TNS3: variants seen among roughly 807,000 people sequenced by gnomAD.
TNS3 encodes tensin 3.
Under a neutral mutation model 140.9 loss-of-function variants are expected in TNS3, and 45 were observed. The observed-to-expected ratio is 0.32, with a 90% confidence interval of 0.25 to 0.41. The LOEUF is 0.41. Ranked by LOEUF, TNS3 falls within the 10% of genes least tolerant of loss-of-function variation. The pLI, the probability that TNS3 is intolerant of heterozygous loss-of-function variation, is 1.00. For missense variants in TNS3, 1,716 were observed against 1,906.7 expected (o/e 0.90, Z 1.86); for synonymous variants, 815 against 788.4 (o/e 1.03, Z -0.56).
intron 1 of TNS3, among the ~76,000 whole-genome samples, chr7:47,568,014 C>T (rs998129442): frequency 6.6e-6 from 1 of 152,200 alleles, no homozygotes; most frequent in Non-Finnish European, 1.5e-5. Context: ...TTCTAAGCTG[C>T]CTCCACTTTG....
intron 5 of TNS3, among the ~76,000 whole-genome samples, chr7:47,441,180 A>T (rs1350716522): frequency 3.3e-5 from 5 of 152,040 alleles, no homozygotes; most frequent in African/African-American, 4.8e-5. Flanking sequence ...TTTTATTTTT[A>T]TTTATTTTTA....
chr7:47,296,957 T>C, intron 24 of TNS3, 125 bp downstream of exon 24: 1 of 1,244,274 alleles, frequency 8.0e-7, no homozygotes, highest in Non-Finnish European at 1.1e-6. Flanking sequence ...CCTGAAAAAA[T>C]AAATACTAAG....
chr7:47,429,084 C>T (rs954930702), intron 8 of TNS3, among the ~76,000 whole-genome samples: 13 of 152,220 alleles, frequency 8.5e-5, no homozygotes, highest in Admixed American at 6.5e-5. Flanking sequence ...CAAACCACAG[C>T]CCAGGAGCTA....
At chr7:47,505,497 G>A (rs1470829654) in intron 3 of TNS3, among the ~76,000 whole-genome samples, 2 of 152,202 alleles carry the variant, frequency 1.3e-5, no homozygotes, top group African/African-American at 4.8e-5. Flanking sequence ...GCCCCCAGGA[G>A]GCCCGAGAAG....
chr7:47,514,461 C>T (rs1798714027), intron 2 of TNS3, among the ~76,000 whole-genome samples: 1 of 152,192 alleles, frequency 6.6e-6, no homozygotes, highest in African/African-American at 2.4e-5. Flanking sequence ...CTAGCAGGTG[C>T]TTAATAATGT....
At chr7:47,366,006 C>A (rs776237276) in intron 17 of TNS3, among the ~76,000 whole-genome samples, 17 of 152,116 alleles carry the variant, frequency 1.1e-4, no homozygotes, top group Non-Finnish European at 2.1e-4. Flanking sequence ...GTGGAGTCCT[C>A]TTCTCCACAT....
intron 17 of TNS3, among the ~76,000 whole-genome samples, chr7:47,360,039 A>G (rs193216590): frequency 2.6e-3 from 395 of 152,352 alleles, no homozygotes; most frequent in Non-Finnish European, 4.4e-3. Flanking sequence ...GAGTGAGAGT[A>G]TCTGGGGCAA....
intron 3 of TNS3, among the ~76,000 whole-genome samples, chr7:47,485,811 T>G (rs943648025): frequency 6.6e-6 from 1 of 152,192 alleles, no homozygotes; most frequent in Admixed American, 6.5e-5. Flanking sequence ...CGTGGGTGCC[T>G]GGGTACACTG....
chr7:47,420,273 A>G (rs1366178567), intron 10 of TNS3, among the ~76,000 whole-genome samples: 6 of 152,024 alleles, frequency 3.9e-5, no homozygotes, highest in Admixed American at 2.0e-4. Context: ...GCACTAGGAG[A>G]ATGTGGGGTA....
chr7:47,401,696 T>C (rs1158997125), intron 13 of TNS3, among the ~76,000 whole-genome samples: 1 of 152,234 alleles, frequency 6.6e-6, no homozygotes, highest in African/African-American at 2.4e-5. Context: ...GACCTGCCTG[T>C]ATAACTAGGT....
chr7:47,303,076 A>T lies in TNS3; in HGVS notation c.3331T>A (p.Leu1111Met), dbSNP rs1406882649. The change falls in exon 22 of 31, where the codon TTG becomes ATG. Residue 1111 changes from leucine (L) to methionine (M), a missense_variant. Leu to Met is a conservative substitution (Grantham distance 15, BLOSUM62 2). Coordinates refer to ENST00000311160, the MANE Select transcript of TNS3 (RefSeq NM_022748.12). ...KKRASEGDRSLGSVSPSSSGF... is the reference protein window; with the variant it reads ...KKRASEGDRSMGSVSPSSSGF... ...CTGGAGGAGGGAGAGACTGAGCCCA[A>T]AGAACGATCCCCCTCCGAGGCCCGC... 2 of 1,614,152 alleles carry T rather than the reference A, an allele frequency of 1.2e-6. No individual in the cohort carries two copies. Among genetic ancestry groups the T allele is most frequent in the Non-Finnish European group, 8.5e-7 (1 of 1,180,014 alleles).
At chr7:47,307,548 G>T (rs1217325869) in intron 20 of TNS3, among the ~76,000 whole-genome samples, 1 of 152,224 alleles carries the variant, frequency 6.6e-6, no homozygotes, top group South Asian at 2.1e-4. Context: ...AAAATGCAAA[G>T]CTGCTTCCCA....
chr7:47,296,473 T>C (rs1320838977), intron 24 of TNS3, among the ~76,000 whole-genome samples: 1 of 152,202 alleles, frequency 6.6e-6, no homozygotes, highest in Non-Finnish European at 1.5e-5. Flanking sequence ...CCCAAAGGAA[T>C]AGAAATCCTT....
chr7:47,389,052 A>C lies in TNS3; in HGVS notation c.1024+7748T>G, dbSNP rs1374748887. Reference sequence around the variant, plus strand: ...GAAGAAGAAGAAGAAGAAGAAGAAGAAGAAGAAGAAGAAGAAGAAGAAGAA... The same window carrying C: ...GAAGAAGAAGAAGAAGAAGAAGAAGCAGAAGAAGAAGAAGAAGAAGAAGAA... On this transcript the variant is annotated intron_variant, in intron 16 of 30. Coordinates refer to ENST00000311160, the MANE Select transcript of TNS3 (RefSeq NM_022748.12). Among the ~76,000 whole-genome samples the C allele has an allele frequency of 5.3e-4, 30 of 56,462 alleles. 3 individuals carry two copies. The highest frequency in any genetic ancestry group is 6.9e-3 in the Middle Eastern group (1 of 144). The allele number at this position is 56,462 out of a possible 152,430, so 37.0% of individuals were successfully genotyped here. A position where few individuals can be genotyped will look rare whatever the true frequency, so the allele number is the denominator to read the frequency against.
chr7:47,353,676 T>A (rs534024857), intron 17 of TNS3, among the ~76,000 whole-genome samples: 3 of 152,132 alleles, frequency 2.0e-5, no homozygotes, highest in African/African-American at 7.2e-5. Flanking sequence ...ACACTTCACA[T>A]CAATGTGAAA....
intron 27 of TNS3, among the ~76,000 whole-genome samples, chr7:47,286,445 C>T (rs1441870695): frequency 6.6e-6 from 1 of 152,192 alleles, no homozygotes; most frequent in African/African-American, 2.4e-5. Context: ...ACAGGCATGC[C>T]TGCGCCTGCC....
chr7:47,386,095 A>T lies in TNS3; in HGVS notation c.1024+10705T>A, dbSNP rs76721021. Among the ~76,000 whole-genome samples, 1,037 of 152,376 alleles carry T rather than the reference A, an allele frequency of 6.8e-3. 13 individuals carry two copies. Among genetic ancestry groups the T allele is most frequent in the African/African-American group, 0.024 (981 of 41,580 alleles). On this transcript the variant is annotated intron_variant, in intron 16 of 30. Transcript: ENST00000311160. ...ATCCTAAATTAATTCAACTTTCCAT[A>T]GTGAAGTCTGAAAGACTACTATGTC...
At chr7:47,318,522 CA>C (rs879296434) in intron 20 of TNS3, among the ~76,000 whole-genome samples, 6 of 152,188 alleles carry the variant, frequency 3.9e-5, no homozygotes, top group Non-Finnish European at 8.8e-5. Flanking sequence ...TGCACCAGCA[CA>C]GGGCAGTCAG....
At chr7:47,320,214 T>A (rs1787652319) in intron 20 of TNS3, among the ~76,000 whole-genome samples, 1 of 152,304 alleles carries the variant, frequency 6.6e-6, no homozygotes, top group African/African-American at 2.4e-5. Context: ...CGTCCATCTA[T>A]ACCTGTGAGG....
Sources: gnomAD v4.1 joint callset for allele counts (sites outside exome capture counted in the v4.1 genomes callset) on GRCh38, gnomAD v4.1.1 for gene constraint, MANE v1.5 for transcripts, NCBI Gene and HGNC (gene_info 2026-07-23, HGNC 2026-07-21) for gene names.